Variants in PHF8 observed in about 807,000 individuals in gnomAD.
PHF8 encodes the protein histone lysine demethylase PHF8.
A neutral mutation model predicts 74.4 loss-of-function variants in PHF8; 9 were observed. The observed-to-expected ratio is 0.12, with a 90% CI of 0.07 to 0.21. PHF8 has a LOEUF of 0.21. Among genes scored for constraint, PHF8 ranks in the 10% least tolerant of loss-of-function variants. The probability of loss-of-function intolerance (pLI) is 1.00; values close to 1 mark genes in which losing one functional copy is unlikely to be tolerated. For synonymous variants in PHF8, 311 were observed against 316.6 expected (o/e 0.98, Z 0.19); for missense variants, 478 against 816.6 (o/e 0.59, Z 5.05).
At chrX:54,021,710 C>T (rs978264299) in intron 4 of PHF8, among the ~76,000 whole-genome samples, 10 of 109,062 alleles carry the variant, frequency 9.2e-5, no homozygotes, top group Non-Finnish European at 1.7e-4. Flanking sequence ...CCTCGTGATC[C>T]GCCCGCCTCG....
At chrX:53,956,700 G>C (rs1357231814) in intron 19 of PHF8, among the ~76,000 whole-genome samples, 1 of 109,621 alleles carries the variant, frequency 9.1e-6, no homozygotes, top group Non-Finnish European at 1.9e-5. Context: ...GTGTGTGTGT[G>C]TGTGTGTATG....
intron 19 of PHF8, among the ~76,000 whole-genome samples, chrX:53,947,663 G>A (rs900680910): frequency 8.9e-6 from 1 of 112,144 alleles, no homozygotes; most frequent in East Asian, 2.8e-4. Flanking sequence ...CCCCACTCTT[G>A]AATCTAAGCA....
intron 15 of PHF8, 43 bp downstream of exon 15, chrX:53,987,722 CA>C: frequency 9.2e-7 from 1 of 1,088,432 alleles, no homozygotes; most frequent in Non-Finnish European, 1.2e-6. Context: ...AACAAACAAA[CA>C]AAAAAACGGG....
intron 8 of PHF8, among the ~76,000 whole-genome samples, chrX:54,009,105 G>C (rs1293552529): frequency 9.0e-6 from 1 of 111,557 alleles, no homozygotes; most frequent in East Asian, 2.8e-4. Context: ...TTGAACCCGG[G>C]AGGCGGAAGT....
intron 2 of PHF8, among the ~76,000 whole-genome samples, chrX:54,026,510 T>A (rs2066269880): frequency 9.1e-6 from 1 of 110,088 alleles, no homozygotes; most frequent in Non-Finnish European, 1.9e-5. Context: ...TCCTACTACT[T>A]CTGGTTTTTG....
At chrX:53,988,828 A>C (rs192539010) in intron 14 of PHF8, among the ~76,000 whole-genome samples, 1 of 110,510 alleles carries the variant, frequency 9.0e-6, no homozygotes, top group African/African-American at 3.3e-5. Flanking sequence ...TCTCACCACA[A>C]ACACACACAA....
intron 14 of PHF8, among the ~76,000 whole-genome samples, chrX:53,989,599 G>A (rs921783089): frequency 8.9e-6 from 1 of 111,832 alleles, no homozygotes; most frequent in African/African-American, 3.2e-5. Context: ...GACTCAAAAA[G>A]TGGCTTAGAT....
At chrX:54,043,692 C>T (rs1389804059) in intron 1 of PHF8, 70 bp downstream of exon 1, 7 of 330,609 alleles carry the variant, frequency 2.1e-5, no homozygotes, top group African/African-American at 2.0e-4. Flanking sequence ...CCTAGTCTCC[C>T]CAAATGTTCA....
At chrX:53,997,675 C>T (rs1219539260) in intron 11 of PHF8, among the ~76,000 whole-genome samples, 1 of 111,784 alleles carries the variant, frequency 8.9e-6, no homozygotes, top group Non-Finnish European at 1.9e-5. Context: ...TGTTTGGGGC[C>T]ATCCCTTGGT....
intron 2 of PHF8, among the ~76,000 whole-genome samples, chrX:54,031,733 C>T (rs1473925933): frequency 9.0e-6 from 1 of 111,268 alleles, no homozygotes; most frequent in Non-Finnish European, 1.9e-5. Context: ...ATTAACAAAT[C>T]CTGTATCAAT....
At chrX:54,041,089 G>C (rs2066544485) in intron 2 of PHF8, among the ~76,000 whole-genome samples, 1 of 111,718 alleles carries the variant, frequency 9.0e-6, no homozygotes, top group Non-Finnish European at 1.9e-5. Flanking sequence ...GTGATAAACA[G>C]AAATAGCTTG....
At chrX:53,957,724 T>C (rs1010162966) in intron 19 of PHF8, among the ~76,000 whole-genome samples, 4 of 111,523 alleles carry the variant, frequency 3.6e-5, no homozygotes, top group African/African-American at 1.3e-4. Flanking sequence ...GCCAAATAGA[T>C]GTGTAAAAAA....
chrX:54,046,386 C>T (rs782211896), upstream of PHF8, among the ~76,000 whole-genome samples: 1 of 109,688 alleles, frequency 9.1e-6, no homozygotes, highest in South Asian at 3.9e-4. Flanking sequence ...AGTTCGAGAC[C>T]AGCCTGGCCA....
chrX:54,013,314 G>T (rs2066010563), intron 7 of PHF8, among the ~76,000 whole-genome samples: 1 of 111,233 alleles, frequency 9.0e-6, no homozygotes, highest in African/African-American at 3.3e-5. Context: ...TCTCATACAG[G>T]TTTTATCTTG....
chrX:53,991,457 T>G (rs997500144), intron 14 of PHF8, among the ~76,000 whole-genome samples: 4 of 108,317 alleles, frequency 3.7e-5, no homozygotes, highest in African/African-American at 6.7e-5. Flanking sequence ...AGGCCAGGAG[T>G]TCGAGACCAG....
At chrX:54,012,984 G>T (rs1053396170) in intron 7 of PHF8, among the ~76,000 whole-genome samples, 10 of 107,905 alleles carry the variant, frequency 9.3e-5, no homozygotes, top group Non-Finnish European at 1.7e-4. Flanking sequence ...TGGGAGTGAT[G>T]GCATGCACCT....
intron 2 of PHF8, among the ~76,000 whole-genome samples, chrX:54,029,732 C>A (rs1557112159): frequency 8.9e-6 from 1 of 112,026 alleles, no homozygotes; most frequent in Admixed American, 9.4e-5. Context: ...CCCCAGGCAG[C>A]TAGCCAAGAA....
At chrX:53,980,516 G>T (rs2065463727) in intron 18 of PHF8, among the ~76,000 whole-genome samples, 1 of 111,703 alleles carries the variant, frequency 9.0e-6, no homozygotes, top group Non-Finnish European at 1.9e-5. Flanking sequence ...TGCCAAAAGT[G>T]TAAGGAAATA....
At chrX:53,970,839 C>T (rs1569525627) in intron 18 of PHF8, among the ~76,000 whole-genome samples, 1 of 111,424 alleles carries the variant, frequency 9.0e-6, no homozygotes, top group East Asian at 2.8e-4. Context: ...CACCCAGATT[C>T]GTAAAGCAAG....
Sources: gnomAD v4.1 joint callset for allele counts (sites outside exome capture counted in the v4.1 genomes callset) on GRCh38, gnomAD v4.1.1 for gene constraint, MANE v1.5 for transcripts, NCBI Gene and HGNC (gene_info 2026-07-23, HGNC 2026-07-21) for gene names.